Variants in GSAP observed in about 807,000 individuals in gnomAD.
GSAP encodes gamma-secretase activating protein, also known as gamma-secretase-activating protein.
In GSAP, 118 loss-of-function variants were observed where a neutral mutation model predicts 131.7. The observed-to-expected ratio is 0.90, with a 90% CI of 0.77 to 1.04. The LOEUF is 1.04. Among genes scored for constraint, GSAP ranks in the 50% least tolerant of loss-of-function variants. The pLI, the probability that GSAP is intolerant of heterozygous loss-of-function variation, is 0.00. For missense variants in GSAP, 1,019 were observed against 1,013.2 expected (o/e 1.01, Z -0.08); for synonymous variants, 381 against 363.4 (o/e 1.05, Z -0.55).
intron 27 of GSAP, 32 bp from the exon 28 acceptor site, chr7:77,313,581 C>T (rs375121872): frequency 1.2e-5 from 13 of 1,042,758 alleles, no homozygotes; most frequent in Non-Finnish European, 1.5e-5. Flanking sequence ...GCAAATGAAA[C>T]AAATACCCAT....
chr7:77,324,007 C>A (rs184392064), intron 23 of GSAP, among the ~76,000 whole-genome samples: 223 of 152,314 alleles, frequency 1.5e-3, no homozygotes, highest in African/African-American at 5.2e-3. Context: ...TGACGAGAAT[C>A]CTCCAAAGAA....
At chr7:77,376,446 T>C (rs992974823) in intron 10 of GSAP, among the ~76,000 whole-genome samples, 3 of 152,198 alleles carry the variant, frequency 2.0e-5, no homozygotes, top group African/African-American at 7.2e-5. Flanking sequence ...TCAGGAATGC[T>C]AAAGCGCTGC....
At chr7:77,343,029 T>G (rs1791245898) in intron 19 of GSAP, among the ~76,000 whole-genome samples, 1 of 152,172 alleles carries the variant, frequency 6.6e-6, no homozygotes, top group Non-Finnish European at 1.5e-5. Flanking sequence ...TCTCCCTAAC[T>G]TATCACTCCC....
chr7:77,374,383 A>C (rs541560809), intron 11 of GSAP, among the ~76,000 whole-genome samples: 1 of 152,312 alleles, frequency 6.6e-6, no homozygotes, highest in African/African-American at 2.4e-5. Flanking sequence ...TTCATCTTAC[A>C]TTTTTATAAC....
At chr7:77,385,650 C>CA (rs1446434465) in intron 6 of GSAP, among the ~76,000 whole-genome samples, 1 of 152,148 alleles carries the variant, frequency 6.6e-6, no homozygotes, top group Non-Finnish European at 1.5e-5. Flanking sequence ...TAGGAGAATG[C>CA]AGCTTGGGAG....
chr7:77,405,533 T>TA (rs5885020), intron 2 of GSAP, among the ~76,000 whole-genome samples: 22,833 of 152,140 alleles, frequency 0.15, 2,072 homozygotes, highest in African/African-American at 0.26. Flanking sequence ...ATTTAATATT[T>TA]AAAAAAATTT....
chr7:77,393,108 A>C, intron 5 of GSAP, among the ~76,000 whole-genome samples: 1 of 152,216 alleles, frequency 6.6e-6, no homozygotes, highest in East Asian at 1.9e-4. Context: ...TGTGGATCAA[A>C]GAACCCTGTT....
chr7:77,370,792 C>A (rs1486141050), intron 12 of GSAP, among the ~76,000 whole-genome samples: 1 of 152,158 alleles, frequency 6.6e-6, no homozygotes, highest in African/African-American at 2.4e-5. Flanking sequence ...AATTCCACAA[C>A]ACAAACAGCT....
chr7:77,386,515 T>C (rs1242162177), intron 6 of GSAP, among the ~76,000 whole-genome samples: 1 of 152,212 alleles, frequency 6.6e-6, no homozygotes, highest in East Asian at 1.9e-4. Flanking sequence ...GTTTTGTGTG[T>C]TTCTATTTAA....
intron 19 of GSAP, 163 bp from the exon 20 acceptor site, chr7:77,330,530 A>T: frequency 8.1e-7 from 1 of 1,231,056 alleles, no homozygotes. Flanking sequence ...GGGATTCTAA[A>T]ATAGACTTAA....
At position 77,383,765 on chromosome 7, in the gene GSAP, G is replaced by A. The variant is rs138747682; in HGVS notation, c.457-1122C>T. Among the ~76,000 whole-genome samples, 1,135 of 152,236 alleles carry A rather than the reference G, an allele frequency of 7.5e-3. 7 individuals carry two copies. The highest frequency in any genetic ancestry group is 0.011 in the Non-Finnish European group (748 of 68,000). ...GCAGCATGAAAGACCCGTGAATTTTGTTCTTTTCCTCACCCAAAACTTGAA... is the reference window on the plus strand; with the variant it reads ...GCAGCATGAAAGACCCGTGAATTTTATTCTTTTCCTCACCCAAAACTTGAA... On this transcript the variant is annotated intron_variant, in intron 6 of 30. Coordinates refer to ENST00000257626, the MANE Select transcript of GSAP (RefSeq NM_017439.4).
At chr7:77,410,713 T>C (rs373620184) in intron 1 of GSAP, among the ~76,000 whole-genome samples, 5 of 152,334 alleles carry the variant, frequency 3.3e-5, no homozygotes, top group East Asian at 3.9e-4. Flanking sequence ...TTTACAGGAA[T>C]AGGGGTTCTC....
intron 14 of GSAP, 142 bp from the exon 15 acceptor site, chr7:77,355,789 T>G (rs1793613431): frequency 1.9e-5 from 2 of 105,908 alleles, no homozygotes; most frequent in Non-Finnish European, 3.5e-5. Flanking sequence ...GACAGCCCGT[T>G]TTTTTTTTTT....
At chr7:77,349,105 G>A (rs559171505) in intron 19 of GSAP, among the ~76,000 whole-genome samples, 1 of 152,316 alleles carries the variant, frequency 6.6e-6, no homozygotes, top group African/African-American at 2.4e-5. Context: ...GAAGGTTTAA[G>A]TTGAGCACCG....
chr7:77,354,207 A>G (rs1335260147), intron 16 of GSAP, among the ~76,000 whole-genome samples: 1 of 152,206 alleles, frequency 6.6e-6, no homozygotes, highest in Non-Finnish European at 1.5e-5. Context: ...ACGCCTAACC[A>G]TGGTGCACAC....
intron 5 of GSAP, among the ~76,000 whole-genome samples, chr7:77,389,562 C>G: frequency 6.6e-6 from 1 of 151,400 alleles, no homozygotes; most frequent in East Asian, 1.9e-4. Context: ...GGATAGTTTG[C>G]TGAGAATGAT....
chr7:77,313,422 CAAG>C (rs1318347752), intron 28 of GSAP, 63 bp downstream of exon 28: 2 of 810,450 alleles, frequency 2.5e-6, no homozygotes, highest in Admixed American at 2.3e-5. Flanking sequence ...GCTCTTTTTG[CAAG>C]AAGAAATTGA....
chr7:77,351,206 T>C, intron 18 of GSAP: 1 of 983,306 alleles, frequency 1.0e-6, no homozygotes, highest in Non-Finnish European at 1.2e-6. Context: ...GTGCTTCATT[T>C]ATCACTACAG....
At chr7:77,389,980 C>T (rs986753601) in intron 5 of GSAP, among the ~76,000 whole-genome samples, 1 of 152,206 alleles carries the variant, frequency 6.6e-6, no homozygotes, top group East Asian at 1.9e-4. Flanking sequence ...GCCATTCTAA[C>T]TGGTGTGAGA....
Sources: gnomAD v4.1 joint callset for allele counts (sites outside exome capture counted in the v4.1 genomes callset) on GRCh38, gnomAD v4.1.1 for gene constraint, MANE v1.5 for transcripts, NCBI Gene and HGNC (gene_info 2026-07-23, HGNC 2026-07-21) for gene names.